PLEC: variants seen among roughly 807,000 people sequenced by gnomAD.
The protein encoded by PLEC is hemidesmosomal protein 1.
PLEC carries 216 observed loss-of-function variants against 392.8 expected under a neutral mutation model. That is an observed-to-expected ratio of 0.55 (90% CI 0.49 to 0.62). The LOEUF is 0.62. PLEC is among the 20% of genes least tolerant of loss of function. PLEC has a pLI of 0.00. For synonymous variants in PLEC, 3,621 were observed against 2,980.6 expected, an observed-to-expected ratio of 1.21 and a Z score of -7.00; for missense variants, 6,863 against 6,563.4, an observed-to-expected ratio of 1.05 and a Z score of -1.58.
chr8:143,962,350 G>T (rs1454619739), intron 1 of PLEC, among the ~76,000 whole-genome samples: 1 of 152,230 alleles, frequency 6.6e-6, no homozygotes, highest in African/African-American at 2.4e-5. Context: ...CGGAGAAAGC[G>T]TGGACCTGCC....
chr8:143,968,931 T>G (rs1314092208), intron 1 of PLEC, among the ~76,000 whole-genome samples: 1 of 152,182 alleles, frequency 6.6e-6, no homozygotes, highest in Non-Finnish European at 1.5e-5. Flanking sequence ...CACGCCCGCT[T>G]TAGGAAGCAA....
chr8:143,944,129 G>C (rs950740014), upstream of PLEC, among the ~76,000 whole-genome samples: 1 of 144,404 alleles, frequency 6.9e-6, no homozygotes, highest in Non-Finnish European at 1.5e-5. Flanking sequence ...CTCCCCACCC[G>C]GCCGGCTCAG....
Position 143,924,253 on chromosome 8 carries a change from C to T in PLEC, c.5676G>A (p.Glu1892=), listed in dbSNP as rs782564417. ...CCTTGCGCAGCTGGGCCAGGCGCTC[C>T]TCGATGTCAGCCTTGTGTTGCGCGG... ...EQAAQHKADI[E]ERLAQLRKAS... The change falls in exon 31 of 32, where the codon GAG becomes GAA. Residue 1892 remains glutamate (E), a synonymous_variant. Coordinates refer to ENST00000345136, the MANE Select transcript of PLEC (RefSeq NM_201384.3). 2 of 1,598,260 alleles carry T rather than the reference C, an allele frequency of 1.3e-6. No homozygotes were observed. The highest frequency in any genetic ancestry group is 4.5e-5 in the East Asian group (2 of 44,800).
At position 143,969,276 on chromosome 8, in the gene PLEC, T is replaced by C. The variant is rs538014204; in HGVS notation, c.70+4127A>G. Among the ~76,000 whole-genome samples the C allele has an allele frequency of 4.1e-4, 62 of 152,288 alleles. No individual in the cohort carries two copies. Among genetic ancestry groups the C allele is most frequent in the Non-Finnish European group, 7.2e-4 (49 of 67,992 alleles). On this transcript the variant is annotated intron_variant, in intron 1 of 31. Transcript: ENST00000356346. This position sits in a 1 kb window ranked among gnomAD's most constrained non-coding sequence, Gnocchi z 5.1. ...CCCAGGGCCAGTACAGGCCAATCCA[T>C]AACCATTCCTGTCTGCCTGAGCCCC...
Position 143,930,252 on chromosome 8 carries a change from T to A in PLEC, c.2504A>T (p.Gln835Leu). The A allele has an allele frequency of 6.2e-7, 1 of 1,600,320 alleles. No homozygotes were observed. Among genetic ancestry groups the A allele is most frequent in the Non-Finnish European group, 8.5e-7 (1 of 1,177,980 alleles). ...GCTGAGCACCTTCCAGTGGGACGGC[T>A]GTGCAGGGCCCACCAGCTGGCACTC... ...GDECQLVGPA[Q>L]PSHWKVLSSS... The change falls in exon 21 of 32, where the codon CAG (glutamine) becomes CTG (leucine). Residue 835 changes from glutamine (Q) to leucine (L), a missense_variant. Physicochemically the swap from Gln to Leu is moderately radical, Grantham distance 113. Coordinates refer to ENST00000345136, the MANE Select transcript of PLEC (RefSeq NM_201384.3).
chr8:143,925,369 G>C lies in PLEC; in HGVS notation c.4560C>G (p.Arg1520=), dbSNP rs782412831. ...GCGCCGCCTCGGCCTCGGCCTTCACGCGCGAGGCCAGCTCCACCTCCGCCT... is the reference window on the plus strand; with the variant it reads ...GCGCCGCCTCGGCCTCGGCCTTCACCCGCGAGGCCAGCTCCACCTCCGCCT... ...KRQAEVELAS[R]VKAEAEAARE... Residue 1520 remains arginine (R), a synonymous_variant, in exon 31 of 32, where the codon CGC becomes CGG. Coordinates refer to ENST00000345136, the MANE Select transcript of PLEC (RefSeq NM_201384.3). 1 of 1,560,660 alleles carries C rather than the reference G, an allele frequency of 6.4e-7. No homozygotes were observed. Among genetic ancestry groups the C allele is most frequent in the Middle Eastern group, 1.9e-4 (1 of 5,334 alleles).
upstream of PLEC, among the ~76,000 whole-genome samples, chr8:143,940,794 C>T (rs542884535): frequency 6.6e-6 from 1 of 152,324 alleles, no homozygotes; most frequent in East Asian, 1.9e-4. Context: ...GCCCAAACCC[C>T]TCAGAGGTGG....
Position 143,924,529 on chromosome 8 carries a change from G to A in PLEC, c.5400C>T (p.Ala1800=), listed in dbSNP as rs909546721. 2.1e-5 allele frequency: 32 copies of A among 1,537,426 alleles called. 1 individual carries two copies. The highest frequency in any genetic ancestry group is 8.3e-5 in the South Asian group (7 of 84,814). The change falls in exon 31 of 32, where the codon GCC becomes GCT. Residue 1800 remains alanine (A), a synonymous_variant. Transcript: ENST00000345136. ...GGGCACGCAGGCGGGCGGCCTCCTC[G>A]GCCAGCTCGCGGAACCGGCCGGCCT... ...EAEAGRFREL[A]EEAARLRALA... is the part of the protein sequence containing the mutation.
chr8:143,973,276 A>T lies in PLEC; in HGVS notation c.70+127T>A. ...CACTGGCAGCCGTTGGGGGCGATCC[A>T]GGCGGACGAGGCCGGCGGAGTGGCC... On this transcript the variant is annotated intron_variant, in intron 1 of 31. Coordinates refer to the PLEC transcript ENST00000356346. This position sits in a 1 kb window ranked among gnomAD's most constrained non-coding sequence, Gnocchi z 5.6. 8.7e-7 allele frequency: 1 copy of T among 1,145,518 alleles called. No homozygotes were observed. Among genetic ancestry groups the T allele is most frequent in the Non-Finnish European group, 1.2e-6 (1 of 828,330 alleles). The allele number at this position is 1,145,518 out of a possible 1,614,324, so 71.0% of individuals were successfully genotyped here.
In PLEC at chr8:143,934,365, G is replaced by A. The variant is rs372270485; in HGVS notation, c.1122C>T (p.His374=). 5.3e-5 allele frequency: 85 copies of A among 1,612,466 alleles called. No homozygotes were observed. The highest frequency in any genetic ancestry group is 1.5e-4 in the African/African-American group (11 of 74,934). ...GCTTCTCCCGCTCCAGGATGGCCAC[G>A]TGCAGCTTGCCCCACTCCTTCTCCA... The part of the protein sequence containing the change: ...LDVEKEWGKL[H]VAILEREKQL... Residue 374 remains histidine, a synonymous_variant, in exon 11 of 32, where the codon CAC becomes CAT. Transcript: ENST00000345136.
chr8:143,924,034 G>C lies in PLEC; in HGVS notation c.5895C>G (p.Ala1965=), dbSNP rs899618947. 2 of 1,593,700 alleles carry C rather than the reference G, an allele frequency of 1.3e-6. No individual in the cohort carries two copies. The highest frequency in any genetic ancestry group is 1.1e-5 in the South Asian group (1 of 90,476). ...GCCGCTGCCTCGCAGCCTCCAGCTCGGCCTGCTCCTTGCTGCGCAGCGTGT... is the reference window on the plus strand; with the variant it reads ...GCCGCTGCCTCGCAGCCTCCAGCTCCGCCTGCTCCTTGCTGCGCAGCGTGT... The part of the protein sequence containing the change: ...AEDTLRSKEQ[A]ELEAARQRQL... Residue 1965 remains alanine (A), a synonymous_variant, in exon 31 of 32, where the codon GCC becomes GCG. Transcript: ENST00000345136.
At chr8:143,944,708 G>A (rs1831179901) in intron 1 of PLEC, 1 of 1,299,772 alleles carries the variant, frequency 7.7e-7, no homozygotes, top group Non-Finnish European at 9.8e-7. Flanking sequence ...AGCGGGCCAG[G>A]GGTGTGGGAG....
At position 143,916,266 on chromosome 8, in the gene PLEC, A is replaced by G. The variant is rs1554668440; in HGVS notation, c.13555T>C (p.Ser4519Pro). 6.4e-7 allele frequency: 1 copy of G among 1,552,986 alleles called. No homozygotes were observed. Among genetic ancestry groups the G allele is most frequent in the East Asian group, 2.4e-5 (1 of 41,014 alleles). The change falls in exon 32 of 32, where the codon TCA becomes CCA. Residue 4519 changes from serine (S) to proline (P), a missense_variant. Transcript: ENST00000345136. ...TGSGFSMTFS[S>P]SSYSSSGYGR... Reference sequence around the variant, plus strand: ...TAGCCCGAGGAGGAGTAGGAGGATGAAGAGAAGGTCATGGAGAAGCCGGAG... The same window carrying G: ...TAGCCCGAGGAGGAGTAGGAGGATGGAGAGAAGGTCATGGAGAAGCCGGAG...
intron 10 of PLEC, 64 bp downstream of exon 10, chr8:143,934,571 G>A (rs781921635): frequency 5.4e-4 from 871 of 1,601,644 alleles, no homozygotes; most frequent in Non-Finnish European, 6.3e-4. Context: ...GGTCGGCTCC[G>A]GAAGAACCTT....
upstream of PLEC, chr8:143,975,519 G>A (rs1833631297): frequency 1.4e-6 from 1 of 696,828 alleles, no homozygotes; most frequent in Non-Finnish European, 2.6e-6. This position sits in a 1 kb window ranked among gnomAD's most constrained non-coding sequence, Gnocchi z 9.9. Context: ...CACCCCTCCT[G>A]CACTCTGCTG....
upstream of PLEC, among the ~76,000 whole-genome samples, chr8:143,952,557 AC>A (rs1207874211): frequency 6.8e-6 from 1 of 146,384 alleles, no homozygotes; most frequent in Admixed American, 6.8e-5. Flanking sequence ...CCCTCAGCGC[AC>A]CCCCCCACAC....
chr8:143,935,101 C>G lies in PLEC; in HGVS notation c.735G>C (p.Gln245His), dbSNP rs782586855. 56 of 1,612,906 alleles carry G rather than the reference C, an allele frequency of 3.5e-5. No homozygotes were observed. Among genetic ancestry groups the G allele is most frequent in the Non-Finnish European group, 4.6e-5 (54 of 1,179,974 alleles). Residue 245 changes from glutamine (Q) to histidine (H), a missense_variant, in exon 8 of 32, where the codon CAG (glutamine) becomes CAC (histidine). Physicochemically the swap from Gln to His is conservative, Grantham distance 24. Transcript: ENST00000345136. ...LLDPEDVDVP[Q>H]PDEKSIITYV... ...AGGTGATGATGGACTTCTCGTCGGG[C>G]TGAGGGACATCCACGTCTGCAGGGA...
Position 143,929,740 on chromosome 8 carries a change from C to T in PLEC, c.2829G>A (p.Ala943=), listed in dbSNP as rs369370495. 8.8e-5 allele frequency: 140 copies of T among 1,599,322 alleles called. No individual in the cohort carries two copies. The highest frequency in any genetic ancestry group is 1.6e-4 in the Middle Eastern group (1 of 6,080). ...GCCGGTCCTCGGGTCCGAAGCCGCC[C>T]GCGTCCTGGCTGTCCCGCAGGAAGG... ...YQAFLRDSQD[A]GGFGPEDRLM... is the part of the protein sequence containing the mutation. The change falls in exon 23 of 32, where the codon GCG becomes GCA. Residue 943 remains alanine, a synonymous_variant. Coordinates refer to ENST00000345136, the MANE Select transcript of PLEC (RefSeq NM_201384.3).
chr8:143,973,211 C>G lies in PLEC; in HGVS notation c.70+192G>C, dbSNP rs1833521033. On this transcript the variant is annotated intron_variant, in intron 1 of 31. Transcript: ENST00000356346. This position sits in a 1 kb window ranked among gnomAD's most constrained non-coding sequence, Gnocchi z 5.6. ...GCGCGATGCCCTATTAAGGGCATGG[C>G]CTCGGGGGCTCAGCGGAGCGAGTCC... Among the ~76,000 whole-genome samples the G allele has an allele frequency of 6.9e-6, 1 of 144,602 alleles. No homozygotes were observed. 94.9% of individuals were successfully genotyped at this position (144,602 alleles called of 152,430 possible).
Sources: allele counts gnomAD v4.1 joint callset (sites outside exome capture counted in the v4.1 genomes callset), GRCh38; gene constraint gnomAD v4.1.1; non-coding constraint Gnocchi (gnomAD v3.1); transcripts MANE v1.5; gene names NCBI Gene and HGNC (gene_info 2026-07-23, HGNC 2026-07-21).